The following GALNT14 variants were observed in gnomAD, a reference collection of about 807,000 sequenced individuals.
GALNT14 encodes polypeptide N-acetylgalactosaminyltransferase 14.
A neutral mutation model predicts 77.5 loss-of-function variants in GALNT14; 60 were observed. The observed-to-expected ratio is 0.77, with a 90% confidence interval of 0.63 to 0.96. The LOEUF is 0.96. Ranked by LOEUF, GALNT14 falls within the 40% of genes least tolerant of loss-of-function variation. GALNT14 has a pLI of 0.00. For missense variants in GALNT14, 710 were observed against 731.0 expected (o/e 0.97, Z 0.33); for synonymous variants, 280 against 281.7 (o/e 0.99, Z 0.06).
At chr2:30,932,234 T>A in intron 9 of GALNT14, 40 bp from the exon 10 acceptor site, 1 of 1,394,926 alleles carries the variant, frequency 7.2e-7, no homozygotes, top group Non-Finnish European at 9.4e-7. Context: ...CTCTTATCAC[T>A]GCTGCTGCAG....
chr2:30,995,512 G>A (rs1558477027), intron 1 of GALNT14, among the ~76,000 whole-genome samples: 1 of 151,960 alleles, frequency 6.6e-6, no homozygotes, highest in East Asian at 1.9e-4. Context: ...TCTTTTTTTA[G>A]AGATGGGGTC....
chr2:30,977,092 C>CTTTTTTTTTTTTT (rs11314175), intron 2 of GALNT14, among the ~76,000 whole-genome samples: 3,037 of 134,340 alleles, frequency 0.023, 300 homozygotes, highest in African/African-American at 0.09. Flanking sequence ...GCTTTTCTGT[C>CTTTTTTTTTTTTT]TTTTTTTTTT....
intron 1 of GALNT14, chr2:31,129,674 G>A: frequency 4.1e-6 from 4 of 985,102 alleles, no homozygotes; most frequent in Non-Finnish European, 4.8e-6. Context: ...GCAGCTGCGA[G>A]AGATGGGCAC....
At chr2:31,020,968 C>T (rs1479664381) in intron 1 of GALNT14, among the ~76,000 whole-genome samples, 2 of 152,232 alleles carry the variant, frequency 1.3e-5, no homozygotes, top group African/African-American at 2.4e-5. Context: ...TTCTCCAGCA[C>T]ACTCTGGCTT....
chr2:31,071,356 A>G (rs1377934088), intron 1 of GALNT14, among the ~76,000 whole-genome samples: 1 of 152,224 alleles, frequency 6.6e-6, no homozygotes, highest in East Asian at 1.9e-4. Context: ...TCTTTTTTGA[A>G]CAAAGTCCGG....
At chr2:30,988,906 A>T (rs1669485402) in intron 2 of GALNT14, among the ~76,000 whole-genome samples, 1 of 152,194 alleles carries the variant, frequency 6.6e-6, no homozygotes, top group Non-Finnish European at 1.5e-5. Context: ...ATTTGAGAAT[A>T]GTTGTTCTAA....
rs572550684 is a variant in GALNT14 at position 30,987,021 on chromosome 2, A to G, written c.299+5817T>C. ...AATGCATTCATCTATAATTGTGTGGAGACTTGAGGAATGATGAAGCTTCGA... is the reference window on the plus strand; with the variant it reads ...AATGCATTCATCTATAATTGTGTGGGGACTTGAGGAATGATGAAGCTTCGA... On this transcript the variant is annotated intron_variant, in intron 2 of 14. Transcript: ENST00000349752. The G allele has an allele frequency of 3.9e-5, 6 of 152,308 alleles. No homozygotes were observed. In the East Asian group the frequency reaches 1.2e-3, roughly 29 times the overall value. The allele number at this position is 152,308 out of a possible 1,614,324, so 9.4% of individuals were successfully genotyped here.
chr2:31,092,971 T>C (rs915617134), intron 1 of GALNT14, among the ~76,000 whole-genome samples: 2 of 152,192 alleles, frequency 1.3e-5, no homozygotes, highest in African/African-American at 4.8e-5. Flanking sequence ...AAGGGTAGGC[T>C]CCTGGATGCT....
At chr2:31,119,418 C>T (rs1678273207) in intron 1 of GALNT14, among the ~76,000 whole-genome samples, 1 of 152,130 alleles carries the variant, frequency 6.6e-6, no homozygotes, top group Non-Finnish European at 1.5e-5. Flanking sequence ...ATAGACCCCT[C>T]ATAGAAGGGC....
chr2:31,070,927 A>T (rs1243326292), intron 1 of GALNT14, among the ~76,000 whole-genome samples: 1 of 152,248 alleles, frequency 6.6e-6, no homozygotes, highest in Admixed American at 6.5e-5. Flanking sequence ...TCAGGCTTGG[A>T]AAAAATGAAA....
chr2:31,112,556 C>T (rs1281158070), intron 1 of GALNT14, among the ~76,000 whole-genome samples: 3 of 152,180 alleles, frequency 2.0e-5, no homozygotes, highest in Admixed American at 6.5e-5. Context: ...ATGTCACGAT[C>T]GTCAAAGAAA....
chr2:31,068,519 AAAAAAAG>A (rs1308360148), intron 1 of GALNT14, among the ~76,000 whole-genome samples: 2 of 151,832 alleles, frequency 1.3e-5, no homozygotes, highest in African/African-American at 4.8e-5. Flanking sequence ...AAAAAAAAAA[AAAAAAAG>A]AAAAGAAAAG....
intron 1 of GALNT14, chr2:31,129,228 A>C (rs1204812028): frequency 2.8e-6 from 1 of 352,576 alleles, no homozygotes. Context: ...CCCTGCTATC[A>C]CCTCAGATTC....
At chr2:31,110,136 A>G (rs544479915) in intron 1 of GALNT14, among the ~76,000 whole-genome samples, 1 of 152,186 alleles carries the variant, frequency 6.6e-6, no homozygotes, top group South Asian at 2.1e-4. Context: ...TTTAATTTCT[A>G]TACTGCCTTT....
Position 30,924,215 on chromosome 2 carries a change from C to T in GALNT14, c.1284G>A (p.Gln428=). 1 of 1,614,216 alleles carries T rather than the reference C, an allele frequency of 6.2e-7. No homozygotes were observed. Among genetic ancestry groups the T allele is most frequent in the South Asian group, 1.1e-5 (1 of 91,082 alleles). Residue 428 remains glutamine, a synonymous_variant, in exon 13 of 15, where the codon CAG becomes CAA. Transcript: ENST00000349752. ...TCTGCCTTTGAGATTCCAGGCACTT[C>T]TGTCTCTGTCGGATATTGCCCTTCT... ...SIQKGNIRQR[Q]KCLESQRQNN... is the part of the protein sequence containing the mutation.
At chr2:31,057,426 T>TATACAC (rs1553369115) in intron 1 of GALNT14, among the ~76,000 whole-genome samples, 120 of 144,810 alleles carry the variant, frequency 8.3e-4, no homozygotes, top group African/African-American at 2.9e-3. Context: ...TATATATATA[T>TATACAC]ACACACACAC....
At position 31,060,991 on chromosome 2, in the gene GALNT14, T is replaced by G. The variant is rs75486071; in HGVS notation, c.130-67984A>C. Among the ~76,000 whole-genome samples the G allele has an allele frequency of 1.8e-3, 276 of 152,332 alleles. 1 individual carries two copies. The highest frequency in any genetic ancestry group is 6.5e-3 in the African/African-American group (270 of 41,560). ...CAGGACTTCCTCTAGTTCTTCCTTC[T>G]GCATTCCTGATCTTCCCTTCTCTTT... On this transcript the variant is annotated intron_variant, in intron 1 of 14. Transcript: ENST00000349752.
At chr2:30,907,133 C>A (rs1664165164), downstream of GALNT14, among the ~76,000 whole-genome samples, 3 of 152,276 alleles carry the variant, frequency 2.0e-5, no homozygotes, top group South Asian at 6.2e-4. Flanking sequence ...GACACCCTAA[C>A]ATCACAATTA....
At chr2:31,043,753 A>G (rs569437006) in intron 1 of GALNT14, among the ~76,000 whole-genome samples, 1 of 152,336 alleles carries the variant, frequency 6.6e-6, no homozygotes, top group African/African-American at 2.4e-5. Context: ...GCATATAAAG[A>G]TGATTAAGAT....
Sources: gnomAD v4.1 joint callset for allele counts (sites outside exome capture counted in the v4.1 genomes callset) on GRCh38, gnomAD v4.1.1 for gene constraint, MANE v1.5 for transcripts, NCBI Gene and HGNC (gene_info 2026-07-23, HGNC 2026-07-21) for gene names.